Variants in HSPA4 observed in about 807,000 individuals in gnomAD.
The protein encoded by HSPA4 is heat shock protein family A (Hsp70) member 4, also known as heat shock 70 kDa protein 4.
A neutral mutation model predicts 106.2 loss-of-function variants in HSPA4; 25 were observed. The ratio of observed to expected loss-of-function variants is 0.24; its 90% CI spans 0.17 to 0.33. The LOEUF (loss-of-function observed/expected upper bound fraction) is 0.33, where lower values mean the gene tolerates loss of function less well. HSPA4 is among the 10% of genes least tolerant of loss of function. The probability of loss-of-function intolerance (pLI) is 1.00; values close to 1 mark genes in which losing one functional copy is unlikely to be tolerated. For missense variants in HSPA4, 841 were observed against 996.0 expected (o/e 0.84, Z 2.10); for synonymous variants, 332 against 333.6 (o/e 1.00, Z 0.05).
chr5:133,052,238 A>C lies in HSPA4; in HGVS notation c.-13A>C, dbSNP rs1218140397. 6.4e-7 allele frequency: 1 copy of C among 1,565,700 alleles called. No individual in the cohort carries two copies. Among genetic ancestry groups the C allele is most frequent in the African/African-American group, 1.4e-5 (1 of 73,860 alleles). On this transcript the variant is annotated 5_prime_UTR_variant, in exon 1 of 19. Transcript: ENST00000304858. ...GCCGGACCCGGGCCCGAGCCCGAGC[A>C]GTAGCCGGCGCCATGTCGGTGGTGG...
At chr5:133,085,738 C>T (rs1263950804) in intron 7 of HSPA4, among the ~76,000 whole-genome samples, 2 of 124,744 alleles carry the variant, frequency 1.6e-5, no homozygotes. Context: ...GAGTTTGGAG[C>T]AGGGAGGGAT....
At chr5:133,079,855 G>A (rs924929342) in intron 7 of HSPA4, among the ~76,000 whole-genome samples, 3 of 152,174 alleles carry the variant, frequency 2.0e-5, no homozygotes, top group African/African-American at 7.2e-5. Flanking sequence ...GCATTCTCCT[G>A]CAGATTCCTA....
At chr5:133,092,867 C>T in intron 13 of HSPA4, 78 bp downstream of exon 13, 1 of 802,108 alleles carries the variant, frequency 1.2e-6, no homozygotes, top group Non-Finnish European at 1.9e-6. Flanking sequence ...GTTGCCCAGG[C>T]TGGAGTGCAG....
At chr5:133,055,276 G>A (rs1166951059) in intron 1 of HSPA4, among the ~76,000 whole-genome samples, 1 of 148,574 alleles carries the variant, frequency 6.7e-6, no homozygotes, top group Non-Finnish European at 1.5e-5. Flanking sequence ...TGGAGTCTTG[G>A]GCTAAATAGA....
chr5:133,091,423 C>T, intron 12 of HSPA4, 49 bp downstream of exon 12: 1 of 1,439,288 alleles, frequency 6.9e-7, no homozygotes, highest in Non-Finnish European at 9.5e-7. Context: ...GGTGACTTGT[C>T]TAGAAATTGT....
chr5:133,083,344 ATCT>A (rs1179822340), intron 7 of HSPA4, among the ~76,000 whole-genome samples: 1 of 152,076 alleles, frequency 6.6e-6, no homozygotes, highest in African/African-American at 2.4e-5. Context: ...CGCTGTTGCC[ATCT>A]TCTTAACAAT....
chr5:133,081,904 T>C (rs1018533070), intron 7 of HSPA4, among the ~76,000 whole-genome samples: 1 of 152,154 alleles, frequency 6.6e-6, no homozygotes, highest in African/African-American at 2.4e-5. Flanking sequence ...TATCACATCA[T>C]TCAGCAGTTG....
At chr5:133,061,557 C>A (rs892678344) in intron 1 of HSPA4, among the ~76,000 whole-genome samples, 11 of 152,082 alleles carry the variant, frequency 7.2e-5, no homozygotes, top group Non-Finnish European at 1.2e-4. Flanking sequence ...TAATGTAATT[C>A]GGTTTGTGGT....
At chr5:133,085,489 T>TTAAAAAAAAAAAAAAAA (rs1554089513) in intron 7 of HSPA4, among the ~76,000 whole-genome samples, 4 of 110,270 alleles carry the variant, frequency 3.6e-5, no homozygotes, top group African/African-American at 1.5e-4. Context: ...CCATCTCTAC[T>TTAAAAAAAAAAAAAAAA]AAAAAAAAAA....
intron 7 of HSPA4, among the ~76,000 whole-genome samples, chr5:133,079,763 A>C (rs1202518922): frequency 1.3e-5 from 2 of 152,186 alleles, no homozygotes; most frequent in Non-Finnish European, 2.9e-5. Flanking sequence ...CGTCTTTGTC[A>C]ACACTTATTT....
At chr5:133,064,757 T>C (rs1315635180) in intron 1 of HSPA4, among the ~76,000 whole-genome samples, 1 of 152,140 alleles carries the variant, frequency 6.6e-6, no homozygotes, top group African/African-American at 2.4e-5. Flanking sequence ...TCTAGACAGG[T>C]AGTTATCACA....
chr5:133,088,952 A>T, intron 9 of HSPA4, 103 bp from the exon 10 acceptor site: 1 of 573,234 alleles, frequency 1.7e-6, no homozygotes, highest in Non-Finnish European at 3.0e-6. Context: ...AAATATTTTA[A>T]AAAGACCATT....
At chr5:133,097,667 G>C (rs1370099425) in intron 15 of HSPA4, among the ~76,000 whole-genome samples, 1 of 150,108 alleles carries the variant, frequency 6.7e-6, no homozygotes, top group African/African-American at 2.4e-5. Context: ...TCCTCCCCCA[G>C]CCTCCCGAAT....
chr5:133,056,583 T>C (rs1765167806), intron 1 of HSPA4, among the ~76,000 whole-genome samples: 1 of 152,230 alleles, frequency 6.6e-6, no homozygotes, highest in South Asian at 2.1e-4. Context: ...TAAAATTCTT[T>C]ATTATGGCTC....
chr5:133,076,588 AATAT>A, intron 6 of HSPA4, 62 bp from the exon 7 acceptor site: 1 of 1,404,320 alleles, frequency 7.1e-7, no homozygotes. Flanking sequence ...TTACCAGGTA[AATAT>A]ATATCATCTG....
intron 1 of HSPA4, chr5:133,052,881 G>A (rs1222079347): frequency 6.5e-6 from 1 of 152,940 alleles, no homozygotes; most frequent in Admixed American, 6.5e-5. Context: ...GCGAGCTGGA[G>A]CAGCCTCAGG....
intron 3 of HSPA4, among the ~76,000 whole-genome samples, chr5:133,070,152 C>CAG (rs372746519): frequency 1.1e-4 from 16 of 151,472 alleles, no homozygotes; most frequent in South Asian, 2.1e-4. Context: ...GAGAGAATGA[C>CAG]AGAGAGAGAG....
intron 17 of HSPA4, among the ~76,000 whole-genome samples, chr5:133,103,596 A>G (rs1026065953): frequency 5.9e-5 from 9 of 152,170 alleles, no homozygotes; most frequent in East Asian, 5.8e-4. Flanking sequence ...AAGATTTTGT[A>G]TAAATCGGGT....
intron 8 of HSPA4, among the ~76,000 whole-genome samples, 180 bp from the exon 9 acceptor site, chr5:133,088,224 A>G (rs556591155): frequency 1.3e-5 from 2 of 152,186 alleles, no homozygotes; most frequent in East Asian, 3.9e-4. Context: ...GAGAATTAAA[A>G]CACCTACTTG....
Sources: gnomAD v4.1 joint callset for allele counts (sites outside exome capture counted in the v4.1 genomes callset) on GRCh38, gnomAD v4.1.1 for gene constraint, MANE v1.5 for transcripts, NCBI Gene and HGNC (gene_info 2026-07-23, HGNC 2026-07-21) for gene names.